Variants in ZNF546 observed in about 807,000 individuals in gnomAD.
The protein encoded by ZNF546 is CTC-471F3.6.
A neutral mutation model predicts 76.2 loss-of-function variants in ZNF546; 60 were observed. That is an observed-to-expected ratio of 0.79 (90% CI 0.64 to 0.98). ZNF546 has a LOEUF of 0.98. Ranked by LOEUF, ZNF546 falls within the 50% of genes least tolerant of loss-of-function variation. The pLI is 0.00. For synonymous variants in ZNF546, 277 were observed against 328.1 expected (o/e 0.84, Z 1.68); for missense variants, 936 against 1,035.6 (o/e 0.90, Z 1.32).
chr19:40,003,208 T>G (rs1485591188), intron 3 of ZNF546, among the ~76,000 whole-genome samples: 1 of 151,820 alleles, frequency 6.6e-6, no homozygotes, highest in Non-Finnish European at 1.5e-5. Context: ...GCTAATTTTT[T>G]TTGTATTTTT....
At chr19:40,006,033 C>A in intron 3 of ZNF546, 63 bp from the exon 4 acceptor site, 1 of 1,378,536 alleles carries the variant, frequency 7.3e-7, no homozygotes, top group Non-Finnish European at 1.0e-6. Flanking sequence ...ATCTTATTAA[C>A]TTAAGTCATT....
Position 40,015,199 on chromosome 19 carries a change from G to A in ZNF546, c.1929G>A (p.Gly643=), listed in dbSNP as rs563297844. Residue 643 remains glycine, a synonymous_variant, in exon 7 of 7, where the codon GGG becomes GGA. Transcript: ENST00000347077. ...GEKPYKCTEC[G]KAFIRSTHLT... ...AACCCTATAAATGTACAGAATGTGG[G>A]AAGGCCTTTATTCGTAGCACTCATC... 6 of 1,612,660 alleles carry A rather than the reference G, an allele frequency of 3.7e-6. No homozygotes were observed. The African/African-American group carries it at 8.0e-5, about 22-fold the overall frequency.
At position 40,016,435 on chromosome 19, in the gene ZNF546, G is replaced by A. The variant is rs756696278; in HGVS notation, c.*654G>A. 7 of 152,680 alleles carry A rather than the reference G, an allele frequency of 4.6e-5. No individual in the cohort carries two copies. Among genetic ancestry groups the A allele is most frequent in the Non-Finnish European group, 7.3e-5 (5 of 68,402 alleles). 9.5% of individuals were successfully genotyped at this position (152,680 alleles called of 1,614,324 possible). On this transcript the variant is annotated 3_prime_UTR_variant, in exon 7 of 7. Transcript: ENST00000347077. ...CTCAGGAGGCTGAGGCAGGAAAATTGCATGAACCTAAGTGGCAGAGGTTGC... is the reference window on the plus strand; with the variant it reads ...CTCAGGAGGCTGAGGCAGGAAAATTACATGAACCTAAGTGGCAGAGGTTGC...
intron 3 of ZNF546, among the ~76,000 whole-genome samples, chr19:40,004,063 T>G (rs1249492551): frequency 1.5e-5 from 2 of 131,836 alleles, no homozygotes; most frequent in African/African-American, 3.6e-5. Context: ...TATTTATATA[T>G]AATATATAAA....
intron 3 of ZNF546, among the ~76,000 whole-genome samples, chr19:40,000,303 A>G (rs993557156): frequency 6.6e-6 from 1 of 152,014 alleles, no homozygotes; most frequent in Non-Finnish European, 1.5e-5. Flanking sequence ...TGCAAATAAC[A>G]TTTTCTAGGA....
Position 40,015,448 on chromosome 19 carries a change from T to C in ZNF546, c.2178T>C (p.Cys726=), listed in dbSNP as rs1457302094. 1.2e-6 allele frequency: 2 copies of C among 1,614,236 alleles called. No homozygotes were observed. The highest frequency in any genetic ancestry group is 8.5e-7 in the Non-Finnish European group (1 of 1,180,044). ...TGELPYECKE[C]GKTFSRRYHL... ...AGCTTCCATATGAATGTAAGGAATGTGGAAAGACCTTTAGTCGTCGGTATC... is the reference window on the plus strand; with the variant it reads ...AGCTTCCATATGAATGTAAGGAATGCGGAAAGACCTTTAGTCGTCGGTATC... The change falls in exon 7 of 7, where the codon TGT becomes TGC. Residue 726 remains cysteine, a synonymous_variant. Transcript: ENST00000347077.
intron 3 of ZNF546, 178 bp downstream of exon 3, chr19:39,998,588 C>G: frequency 1.8e-6 from 1 of 558,034 alleles, no homozygotes. Context: ...TGGTCGCCTG[C>G]TTTTAAGGCT....
intron 3 of ZNF546, among the ~76,000 whole-genome samples, chr19:40,004,030 A>AT (rs1971565957): frequency 6.9e-6 from 1 of 144,610 alleles, no homozygotes; most frequent in African/African-American, 2.6e-5. Flanking sequence ...ATATATATAT[A>AT]AATATATAAA....
intron 3 of ZNF546, among the ~76,000 whole-genome samples, chr19:40,001,841 C>T (rs1283146030): frequency 6.6e-6 from 1 of 152,156 alleles, no homozygotes; most frequent in East Asian, 1.9e-4. Context: ...TATTTAATAG[C>T]AGTGGAACAA....
intron 4 of ZNF546, 75 bp from the exon 5 acceptor site, chr19:40,007,199 T>A: frequency 7.9e-7 from 1 of 1,258,426 alleles, no homozygotes. Flanking sequence ...ACTATGTTGC[T>A]TCTTTCCTGC....
At chr19:40,001,158 G>A (rs889854091) in intron 3 of ZNF546, among the ~76,000 whole-genome samples, 1 of 152,140 alleles carries the variant, frequency 6.6e-6, no homozygotes, top group African/African-American at 2.4e-5. Flanking sequence ...GCTAGCAATG[G>A]GGAGTAGCTG....
intron 3 of ZNF546, among the ~76,000 whole-genome samples, chr19:40,002,201 G>A (rs1200058304): frequency 1.3e-5 from 2 of 152,156 alleles, no homozygotes; most frequent in East Asian, 1.9e-4. Flanking sequence ...TAAGGCCTTA[G>A]TGTGCCATCA....
chr19:39,998,323 G>T lies in ZNF546; in HGVS notation c.-4G>T. 6.2e-7 allele frequency: 1 copy of T among 1,613,724 alleles called. No homozygotes were observed. The highest frequency in any genetic ancestry group is 1.1e-5 in the South Asian group (1 of 91,074). ...AGGCCTTCCTTTCCAGTGAACAATG[G>T]ACCATGCAGGTGGACCCTCCTCTTC... is the stretch of plus-strand genomic sequence containing the variant. On this transcript the variant is annotated 5_prime_UTR_variant, in exon 3 of 7. Coordinates refer to ENST00000347077, the MANE Select transcript of ZNF546 (RefSeq NM_178544.5).
intron 6 of ZNF546, among the ~76,000 whole-genome samples, chr19:40,012,915 G>A (rs576123188): frequency 2.6e-5 from 4 of 151,620 alleles, no homozygotes; most frequent in Admixed American, 6.6e-5. Flanking sequence ...CTGGGTTCAC[G>A]CCATTCTCCT....
Position 40,014,756 on chromosome 19 carries a change from C to T in ZNF546, c.1486C>T (p.Pro496Ser), listed in dbSNP as rs542336892. 4.3e-5 allele frequency: 70 copies of T among 1,612,620 alleles called. No individual in the cohort carries two copies. The highest frequency in any genetic ancestry group is 5.4e-5 in the Non-Finnish European group (64 of 1,179,766). The change falls in exon 7 of 7, where the codon CCC becomes TCC. Residue 496 changes from proline (P) to serine (S), a missense_variant. Coordinates refer to ENST00000347077, the MANE Select transcript of ZNF546 (RefSeq NM_178544.5). ...LHLRTHTGEI[P>S]YECKECGKTF... The stretch of plus-strand genomic sequence containing the variant: ...TCTGAGAACTCACACCGGTGAGATT[C>T]CCTATGAATGTAAGGAATGTGGAAA...
Position 40,014,229 on chromosome 19 carries a change from A to C in ZNF546, c.959A>C (p.Gln320Pro). The C allele has an allele frequency of 6.2e-7, 1 of 1,613,558 alleles. No homozygotes were observed. Among genetic ancestry groups the C allele is most frequent in the Admixed American group, 1.7e-5 (1 of 60,018 alleles). Reference protein sequence around the residue: ...FSRVRDLRVHQTIHAGERPYE... With the variant: ...FSRVRDLRVHPTIHAGERPYE... ...CGTGTTAGAGACCTTAGAGTACATC[A>C]GACAATTCATGCTGGAGAGAGACCT... The change falls in exon 7 of 7, where the codon CAG becomes CCG. Residue 320 changes from glutamine (Q) to proline (P), a missense_variant. Coordinates refer to ENST00000347077, the MANE Select transcript of ZNF546 (RefSeq NM_178544.5).
At chr19:40,005,009 C>CTTTTTTTTTTTT (rs752081163) in intron 3 of ZNF546, among the ~76,000 whole-genome samples, 3 of 86,844 alleles carry the variant, frequency 3.5e-5, no homozygotes, top group African/African-American at 5.9e-5. Context: ...CTGCATGCAT[C>CTTTTTTTTTTTT]TTTTTTTTTT....
rs771645078 is a variant in ZNF546, at chr19:40,015,425, C to T, written c.2155C>T (p.Leu719Phe). The change falls in exon 7 of 7, where the codon CTT (leucine) becomes TTT (phenylalanine). Residue 719 changes from leucine to phenylalanine, a missense_variant. Coordinates refer to ENST00000347077, the MANE Select transcript of ZNF546 (RefSeq NM_178544.5). ...ACATCAAAGAATTCACACTGGTGAG[C>T]TTCCATATGAATGTAAGGAATGTGG... is the stretch of plus-strand genomic sequence containing the variant. The part of the protein sequence containing the change: ...TLHQRIHTGE[L>F]PYECKECGKT... The T allele has an allele frequency of 2.5e-5, 41 of 1,613,870 alleles. No homozygotes were observed. The highest frequency in any genetic ancestry group is 3.3e-5 in the Non-Finnish European group (39 of 1,179,992).
intron 6 of ZNF546, 55 bp from the exon 7 acceptor site, chr19:40,013,610 A>G: frequency 7.1e-7 from 1 of 1,415,542 alleles, no homozygotes. Context: ...AACACAGAAA[A>G]ATAGCATTAT....
Sources: allele counts gnomAD v4.1 joint callset (sites outside exome capture counted in the v4.1 genomes callset), GRCh38; gene constraint gnomAD v4.1.1; transcripts MANE v1.5; gene names NCBI Gene and HGNC (gene_info 2026-07-23, HGNC 2026-07-21).